The following ZSWIM5 variants were observed in gnomAD, a reference collection of about 807,000 sequenced individuals.
ZSWIM5 encodes zinc finger SWIM domain-containing protein 5.
Under a neutral mutation model 119.6 loss-of-function variants are expected in ZSWIM5, and 55 were observed. The ratio of observed to expected loss-of-function variants is 0.46; its 90% CI spans 0.37 to 0.58. The LOEUF (loss-of-function observed/expected upper bound fraction) is 0.58, where lower values mean the gene tolerates loss of function less well. Among genes scored for constraint, ZSWIM5 ranks in the 20% least tolerant of loss-of-function variants. The pLI is 0.00. For synonymous variants in ZSWIM5, 537 were observed against 606.9 expected, an observed-to-expected ratio of 0.88 and a Z score of 1.69; for missense variants, 1,193 against 1,512.8, an observed-to-expected ratio of 0.79 and a Z score of 3.51.
At chr1:45,119,479 T>C (rs1645578302) in intron 1 of ZSWIM5, among the ~76,000 whole-genome samples, 1 of 152,228 alleles carries the variant, frequency 6.6e-6, no homozygotes. Context: ...TCTTTAAAGA[T>C]ACCTAAGATG....
At chr1:45,105,733 C>A (rs927926961) in intron 1 of ZSWIM5, among the ~76,000 whole-genome samples, 7 of 138,894 alleles carry the variant, frequency 5.0e-5, no homozygotes, top group African/African-American at 8.3e-5. Context: ...AAGTGAGGAG[C>A]ACCTCTGCCC....
intron 1 of ZSWIM5, among the ~76,000 whole-genome samples, chr1:45,126,537 C>T (rs544194795): frequency 6.8e-4 from 104 of 152,154 alleles, no homozygotes; most frequent in African/African-American, 2.4e-3. Context: ...AAATTGAATC[C>T]ATAATCTCAA....
chr1:45,094,736 G>A (rs914653528), intron 1 of ZSWIM5, among the ~76,000 whole-genome samples: 5 of 151,970 alleles, frequency 3.3e-5, no homozygotes, highest in South Asian at 2.1e-4. Context: ...GGTGGTGCAC[G>A]CCTATAGTCC....
intron 1 of ZSWIM5, among the ~76,000 whole-genome samples, chr1:45,140,449 C>T (rs1645719836): frequency 6.6e-6 from 1 of 151,734 alleles, no homozygotes; most frequent in South Asian, 2.1e-4. Flanking sequence ...GCTAATATGC[C>T]AACAAAGGAG....
intron 2 of ZSWIM5, among the ~76,000 whole-genome samples, chr1:45,077,504 C>T (rs970415421): frequency 2.0e-5 from 3 of 152,124 alleles, no homozygotes; most frequent in African/African-American, 7.2e-5. Flanking sequence ...TAGACTATCA[C>T]AAGGCAAGTG....
intron 11 of ZSWIM5, among the ~76,000 whole-genome samples, chr1:45,030,758 C>T (rs577033800): frequency 6.7e-6 from 1 of 149,450 alleles, no homozygotes; most frequent in South Asian, 2.1e-4. Context: ...CTTGATCAGT[C>T]TAGACAGGGA....
intron 1 of ZSWIM5, among the ~76,000 whole-genome samples, chr1:45,183,874 A>G (rs1415136558): frequency 6.6e-6 from 1 of 152,224 alleles, no homozygotes; most frequent in Non-Finnish European, 1.5e-5. Flanking sequence ...ATAGAAAAAG[A>G]GGGAATCCTC....
chr1:45,029,580 C>T (rs1644940228), intron 11 of ZSWIM5, among the ~76,000 whole-genome samples: 1 of 152,152 alleles, frequency 6.6e-6, no homozygotes, highest in Admixed American at 6.5e-5. Flanking sequence ...GAAGAGATAC[C>T]TTGAGACTAT....
intron 1 of ZSWIM5, among the ~76,000 whole-genome samples, chr1:45,122,846 T>C (rs1304397653): frequency 6.6e-6 from 1 of 152,040 alleles, no homozygotes; most frequent in Non-Finnish European, 1.5e-5. Context: ...CAAGGCTGAG[T>C]GGGGAGCCTT....
rs1644979338 is a variant in ZSWIM5, at chr1:45,035,750, C to T, written c.2229G>A (p.Leu743=). The change falls in exon 10 of 14, where the codon TTG becomes TTA. Residue 743 remains leucine (L), a synonymous_variant. Transcript: ENST00000359600. ...GATCATGAGGCAGCAGAGCTGAGAA[C>T]AAATACTTGGCAAAGGTATGCATGG... ...SVPMHTFAKY[L]FSALLPHDPD... The T allele has an allele frequency of 6.2e-7, 1 of 1,613,760 alleles. No individual in the cohort carries two copies. The highest frequency in any genetic ancestry group is 8.5e-7 in the Non-Finnish European group (1 of 1,180,018).
intron 1 of ZSWIM5, among the ~76,000 whole-genome samples, chr1:45,108,274 G>C (rs1570107658): frequency 1.3e-5 from 2 of 152,094 alleles, no homozygotes; most frequent in Non-Finnish European, 2.9e-5. Flanking sequence ...CAGAGAAAAG[G>C]GCAACATATA....
intron 2 of ZSWIM5, among the ~76,000 whole-genome samples, chr1:45,079,399 T>C (rs191342711): frequency 1.8e-3 from 273 of 152,266 alleles, no homozygotes; most frequent in Non-Finnish European, 3.0e-3. Context: ...GAGCCTCCCA[T>C]GGCCACCATT....
At chr1:45,184,054 T>C (rs1438111496) in intron 1 of ZSWIM5, among the ~76,000 whole-genome samples, 1 of 151,910 alleles carries the variant, frequency 6.6e-6, no homozygotes, top group Non-Finnish European at 1.5e-5. Flanking sequence ...TCCACCATGA[T>C]CAAGTGGGCT....
chr1:45,143,316 T>C (rs1214742954), intron 1 of ZSWIM5, among the ~76,000 whole-genome samples: 1 of 152,162 alleles, frequency 6.6e-6, no homozygotes, highest in Admixed American at 6.5e-5. Context: ...AAAGTGGGCT[T>C]TCTTCTGTGA....
intron 1 of ZSWIM5, among the ~76,000 whole-genome samples, chr1:45,147,058 GA>G (rs1332298701): frequency 6.6e-6 from 1 of 151,344 alleles, no homozygotes; most frequent in Non-Finnish European, 1.5e-5. Flanking sequence ...TTTAATAAAA[GA>G]AAAGATTAGC....
rs888608713 is a variant in ZSWIM5, at chr1:45,018,235, G to A, written c.*219C>T. On this transcript the variant is annotated 3_prime_UTR_variant, in exon 14 of 14. Transcript: ENST00000359600. The surrounding 1 kb of genome is among the most constrained non-coding windows in gnomAD (Gnocchi z 6.7). ...GTGGGGTTTCTGGTCGATCTGCAGG[G>A]CCCAGCTCCTCCATGAACAGTAGGC... 31 of 609,242 alleles carry A rather than the reference G, an allele frequency of 5.1e-5. No homozygotes were observed. The highest frequency in any genetic ancestry group is 8.2e-5 in the Non-Finnish European group (29 of 352,338). 37.7% of individuals were successfully genotyped at this position (609,242 alleles called of 1,614,324 possible).
chr1:45,064,710 G>A (rs921695784), intron 2 of ZSWIM5, among the ~76,000 whole-genome samples: 7 of 152,166 alleles, frequency 4.6e-5, no homozygotes, highest in Middle Eastern at 3.4e-3. Flanking sequence ...AATATTTATC[G>A]AATAAATTCC....
At chr1:45,114,489 T>C (rs1230641592) in intron 1 of ZSWIM5, among the ~76,000 whole-genome samples, 2 of 152,134 alleles carry the variant, frequency 1.3e-5, no homozygotes, top group African/African-American at 4.8e-5. Flanking sequence ...AAGCAAAAAC[T>C]AACAGAATTA....
chr1:45,066,295 T>C (rs948448359), intron 2 of ZSWIM5, among the ~76,000 whole-genome samples: 3 of 152,160 alleles, frequency 2.0e-5, no homozygotes, highest in Non-Finnish European at 4.4e-5. Context: ...CCAATATTTA[T>C]AGAGAGCTTG....
Sources: allele counts gnomAD v4.1 joint callset (sites outside exome capture counted in the v4.1 genomes callset), GRCh38; gene constraint gnomAD v4.1.1; non-coding constraint Gnocchi (gnomAD v3.1); transcripts MANE v1.5; gene names NCBI Gene and HGNC (gene_info 2026-07-23, HGNC 2026-07-21).